NKAIN2: variants seen among roughly 807,000 people sequenced by gnomAD.
NKAIN2 encodes the protein sodium/potassium-transporting ATPase subunit beta-1-interacting protein 2.
In NKAIN2, 14 loss-of-function variants were observed where a neutral mutation model predicts 32.6. That is an observed-to-expected ratio of 0.43 (90% CI 0.28 to 0.67). The LOEUF (loss-of-function observed/expected upper bound fraction) is 0.67, where lower values mean the gene tolerates loss of function less well. NKAIN2 is among the 30% of genes least tolerant of loss of function. The pLI is 0.17. For missense variants in NKAIN2, 198 were observed against 258.3 expected (o/e 0.77, Z 1.60); for synonymous variants, 80 against 87.2 (o/e 0.92, Z 0.46).
At chr6:124,411,447 G>C (rs1490273929) in intron 3 of NKAIN2, among the ~76,000 whole-genome samples, 43 of 152,062 alleles carry the variant, frequency 2.8e-4, no homozygotes, top group African/African-American at 9.2e-4. Context: ...ATGAAGCTTA[G>C]TTTGGCTGGA....
At chr6:124,347,953 C>T (rs1421374811) in intron 2 of NKAIN2, among the ~76,000 whole-genome samples, 1 of 152,074 alleles carries the variant, frequency 6.6e-6, no homozygotes, top group Non-Finnish European at 1.5e-5. Flanking sequence ...GTTTTTTCAC[C>T]ATCTTTGTGG....
At chr6:124,568,125 C>G (rs2114910683) in intron 3 of NKAIN2, among the ~76,000 whole-genome samples, 1 of 152,272 alleles carries the variant, frequency 6.6e-6, no homozygotes, top group Non-Finnish European at 1.5e-5. Flanking sequence ...TTTTGTTAGC[C>G]AAAGCAAGCC....
chr6:124,401,198 T>G (rs1773608971), intron 3 of NKAIN2, among the ~76,000 whole-genome samples: 1 of 152,182 alleles, frequency 6.6e-6, no homozygotes, highest in South Asian at 2.1e-4. Flanking sequence ...CAGTACACAT[T>G]TCTGAGGAGT....
At chr6:124,685,150 A>G (rs576905425) in intron 4 of NKAIN2, among the ~76,000 whole-genome samples, 1 of 152,286 alleles carries the variant, frequency 6.6e-6, no homozygotes, top group Non-Finnish European at 1.5e-5. Flanking sequence ...GAGACTGACA[A>G]ATTCAGTAAG....
Position 124,231,949 on chromosome 6 carries a change from C to A in NKAIN2, c.55-51056C>A, listed in dbSNP as rs187952319. Among the ~76,000 whole-genome samples the A allele has an allele frequency of 9.2e-5, 14 of 151,972 alleles. No individual in the cohort carries two copies. In the East Asian group the frequency reaches 2.7e-3, roughly 29 times the overall value. On this transcript the variant is annotated intron_variant, in intron 1 of 6. Coordinates refer to ENST00000368417, the MANE Select transcript of NKAIN2 (RefSeq NM_001040214.3). The stretch of plus-strand genomic sequence containing the variant: ...GACATTTATTCTTTTCTTAATTAGA[C>A]CCTGTCTTCTCTATCTTCTTCTTTT...
intron 3 of NKAIN2, among the ~76,000 whole-genome samples, chr6:124,452,500 T>C (rs1205195216): frequency 6.6e-6 from 1 of 152,148 alleles, no homozygotes. Flanking sequence ...TATAAATGAA[T>C]GCTTAAAGAT....
At chr6:124,814,938 A>T (rs1348547146) in intron 5 of NKAIN2, among the ~76,000 whole-genome samples, 2 of 152,076 alleles carry the variant, frequency 1.3e-5, no homozygotes, top group African/African-American at 4.8e-5. Context: ...CAGCAGCAGC[A>T]GCAATAAAAA....
At chr6:123,808,762 T>G (rs1480092747) in intron 1 of NKAIN2, among the ~76,000 whole-genome samples, 1 of 152,202 alleles carries the variant, frequency 6.6e-6, no homozygotes, top group Admixed American at 6.5e-5. Context: ...GAAATGCAAA[T>G]GTGCTTTGCT....
chr6:124,669,832 A>G (rs565190186), intron 4 of NKAIN2, among the ~76,000 whole-genome samples: 3 of 151,934 alleles, frequency 2.0e-5, no homozygotes, highest in East Asian at 3.9e-4. Flanking sequence ...AACTTTTTCT[A>G]TCCACCTCAC....
intron 1 of NKAIN2, among the ~76,000 whole-genome samples, chr6:124,175,755 G>GCC (rs1437799505): frequency 6.6e-6 from 1 of 151,890 alleles, no homozygotes; most frequent in Non-Finnish European, 1.5e-5. Context: ...TTTAAATGTA[G>GCC]CCTCACTGGG....
intron 4 of NKAIN2, among the ~76,000 whole-genome samples, chr6:124,789,555 T>C (rs1317430480): frequency 1.3e-5 from 2 of 151,916 alleles, no homozygotes; most frequent in Non-Finnish European, 2.9e-5. Flanking sequence ...TCCTGGTGGA[T>C]AAAAGATCAT....
At chr6:124,584,898 G>T (rs555790788) in intron 3 of NKAIN2, among the ~76,000 whole-genome samples, 71 of 152,216 alleles carry the variant, frequency 4.7e-4, no homozygotes, top group Middle Eastern at 6.8e-3. Flanking sequence ...CAGTTTGGAA[G>T]TTCCTCAAAA....
chr6:124,210,442 A>AT (rs567302061), intron 1 of NKAIN2, among the ~76,000 whole-genome samples: 18 of 151,372 alleles, frequency 1.2e-4, no homozygotes, highest in African/African-American at 3.9e-4. Flanking sequence ...GTTCCATATA[A>AT]TTTTTTTTCT....
chr6:123,911,801 G>GTATATATATATATGTATA (rs200270867), intron 1 of NKAIN2, among the ~76,000 whole-genome samples: 1 of 58,400 alleles, frequency 1.7e-5, no homozygotes, highest in East Asian at 4.9e-4. Flanking sequence ...ATATATATAT[G>GTATATATATATATGTATA]TATATATATA....
At chr6:124,171,708 G>A (rs988437557) in intron 1 of NKAIN2, among the ~76,000 whole-genome samples, 2 of 151,542 alleles carry the variant, frequency 1.3e-5, no homozygotes, top group Admixed American at 6.6e-5. Context: ...ATGCTGCCAC[G>A]CCCGGCTAAT....
chr6:123,854,771 G>T (rs919443470), intron 1 of NKAIN2, among the ~76,000 whole-genome samples: 4 of 152,142 alleles, frequency 2.6e-5, no homozygotes, highest in Admixed American at 2.0e-4. Flanking sequence ...GAGGGTGGGT[G>T]CCCTCACTGA....
At chr6:123,965,063 C>T (rs1778010868) in intron 1 of NKAIN2, among the ~76,000 whole-genome samples, 1 of 152,090 alleles carries the variant, frequency 6.6e-6, no homozygotes, top group African/African-American at 2.4e-5. Context: ...GTGTCTTTAG[C>T]TTCCATTTCA....
intron 3 of NKAIN2, among the ~76,000 whole-genome samples, chr6:124,518,283 G>C (rs115750806): frequency 0.021 from 2,090 of 97,326 alleles, 48 homozygotes; most frequent in African/African-American, 0.07. Flanking sequence ...AATCAGTGCT[G>C]ATTCTAGTTA....
chr6:124,745,023 G>T (rs772439306), intron 4 of NKAIN2, among the ~76,000 whole-genome samples: 3 of 151,806 alleles, frequency 2.0e-5, no homozygotes, highest in Non-Finnish European at 2.9e-5. Context: ...CTTTCAAATT[G>T]CCAGGAGATC....
Sources: gnomAD v4.1 joint callset for allele counts (sites outside exome capture counted in the v4.1 genomes callset) on GRCh38, gnomAD v4.1.1 for gene constraint, MANE v1.5 for transcripts, NCBI Gene and HGNC (gene_info 2026-07-23, HGNC 2026-07-21) for gene names.